Variants in SMG5 observed in about 807,000 individuals in gnomAD.
SMG5 encodes nonsense-mediated mRNA decay factor SMG5.
In SMG5, 53 loss-of-function variants were observed where a neutral mutation model predicts 122.9. The observed-to-expected ratio is 0.43, with a 90% confidence interval of 0.35 to 0.54. The LOEUF is 0.54. SMG5 is among the 20% of genes least tolerant of loss of function. The pLI, the probability that SMG5 is intolerant of heterozygous loss-of-function variation, is 0.01. For synonymous variants in SMG5, 477 were observed against 490.2 expected (o/e 0.97, Z 0.35); for missense variants, 1,153 against 1,285.6 (o/e 0.90, Z 1.58).
chr1:156,264,822 T>C (rs1012894913), intron 12 of SMG5, among the ~76,000 whole-genome samples: 2 of 151,954 alleles, frequency 1.3e-5, no homozygotes, highest in African/African-American at 4.8e-5. Flanking sequence ...GGTCAGGAGT[T>C]TGAGACCAGC....
At chr1:156,268,498 T>A in intron 7 of SMG5, 83 bp from the exon 8 acceptor site, 2 of 1,547,262 alleles carry the variant, frequency 1.3e-6, no homozygotes, top group Non-Finnish European at 1.8e-6. Context: ...ACAATGTTAC[T>A]AGTAAATACA....
At chr1:156,281,425 C>CGTG (rs1662933573) in intron 1 of SMG5, among the ~76,000 whole-genome samples, 2 of 152,346 alleles carry the variant, frequency 1.3e-5, no homozygotes, top group South Asian at 2.1e-4. Flanking sequence ...CACGTGCCAC[C>CGTG]CCCAGCCAAC....
intron 1 of SMG5, 111 bp downstream of exon 1, chr1:156,282,496 C>T (rs1015966499): frequency 1.7e-6 from 2 of 1,207,782 alleles, no homozygotes; most frequent in Non-Finnish European, 2.3e-6. Flanking sequence ...CACCCTCCTT[C>T]CTCACCCGCA....
chr1:156,271,704 T>C (rs925295468), intron 7 of SMG5, among the ~76,000 whole-genome samples: 2 of 150,156 alleles, frequency 1.3e-5, no homozygotes, highest in African/African-American at 4.9e-5. Context: ...GTGATTCTCC[T>C]GCCTAAGCCT....
At chr1:156,281,444 C>A (rs1372008385) in intron 1 of SMG5, among the ~76,000 whole-genome samples, 1 of 152,216 alleles carries the variant, frequency 6.6e-6, no homozygotes, top group Non-Finnish European at 1.5e-5. Flanking sequence ...ACTCCTCACC[C>A]GCCTGGGGAC....
intron 16 of SMG5, among the ~76,000 whole-genome samples, chr1:156,258,085 G>C (rs910056709): frequency 6.6e-6 from 1 of 152,180 alleles, no homozygotes; most frequent in Admixed American, 6.5e-5. Flanking sequence ...ATAAATATTC[G>C]TGGAATGAAT....
At chr1:156,288,071 C>T in the SMG5 span, among the ~76,000 whole-genome samples, 3 of 151,386 alleles carry the variant, frequency 2.0e-5, no homozygotes, top group Admixed American at 1.3e-4. Flanking sequence ...AAAAATTAGC[C>T]GGGTGCGGTG....
chr1:156,273,090 TA>T (rs1226550620), intron 6 of SMG5, among the ~76,000 whole-genome samples: 1 of 152,216 alleles, frequency 6.6e-6, no homozygotes, highest in East Asian at 1.9e-4. Context: ...CTTCTCTTTC[TA>T]CAAGAGACCT....
At chr1:156,285,074 G>C, upstream of SMG5, 1 of 871,142 alleles carries the variant, frequency 1.1e-6, no homozygotes, top group Non-Finnish European at 1.6e-6. Flanking sequence ...GGCTCCAGAA[G>C]GGGCCAAAAC....
At chr1:156,261,311 G>A (rs375131581) in intron 14 of SMG5, 22 bp downstream of exon 14, 1 of 1,609,680 alleles carries the variant, frequency 6.2e-7, no homozygotes, top group African/African-American at 1.3e-5. Flanking sequence ...AGAAAGGAGG[G>A]TAGTGCCAGG....
At chr1:156,274,477 A>C in intron 5 of SMG5, 120 bp downstream of exon 5, 1 of 861,888 alleles carries the variant, frequency 1.2e-6, no homozygotes, top group Non-Finnish European at 1.9e-6. Context: ...GGAAAAAGTT[A>C]TCAGAAGCCA....
intron 10 of SMG5, 74 bp from the exon 11 acceptor site, chr1:156,266,752 T>C: frequency 6.7e-7 from 1 of 1,501,588 alleles, no homozygotes; most frequent in East Asian, 2.3e-5. Flanking sequence ...TCCAACCACA[T>C]CTCATCTGTT....
chr1:156,270,289 T>A (rs901298009), intron 7 of SMG5, among the ~76,000 whole-genome samples: 3 of 152,166 alleles, frequency 2.0e-5, no homozygotes, highest in Non-Finnish European at 4.4e-5. Flanking sequence ...ATTATAGAAG[T>A]AACAGCTTCC....
chr1:156,267,380 A>G, intron 10 of SMG5, 90 bp downstream of exon 10: 1 of 1,336,086 alleles, frequency 7.5e-7, no homozygotes, highest in Non-Finnish European at 1.1e-6. Flanking sequence ...CTGCTTGTGG[A>G]AGGAAGTTTA....
intron 16 of SMG5, chr1:156,253,904 A>C (rs967266114): frequency 7.1e-6 from 2 of 283,368 alleles, no homozygotes; most frequent in Non-Finnish European, 1.4e-5. Context: ...AAATCTTCCA[A>C]ATCTGCAGAT....
In SMG5 at chr1:156,266,544, T is replaced by A; in HGVS notation, c.1252A>T (p.Thr418Ser). 1 of 1,614,106 alleles carries A rather than the reference T, an allele frequency of 6.2e-7. No homozygotes were observed. The highest frequency in any genetic ancestry group is 1.3e-5 in the African/African-American group (1 of 74,994). Reference sequence around the variant, plus strand: ...ATGACCTCCCCGATTCTCCCACCTGTGCCATCACTCTGGAATGCCGGGACG... The same window carrying A: ...ATGACCTCCCCGATTCTCCCACCTGAGCCATCACTCTGGAATGCCGGGACG... ...NPVPAFQSDG[T>S]DEPESKEPVE... is the part of the protein sequence containing the mutation. The change falls in exon 11 of 22, where the codon ACA becomes TCA. Residue 418 changes from threonine to serine, a missense_variant. Coordinates refer to ENST00000361813, the MANE Select transcript of SMG5 (RefSeq NM_015327.3).
chr1:156,265,033 A>AT (rs1326886549), intron 12 of SMG5, among the ~76,000 whole-genome samples: 6 of 128,430 alleles, frequency 4.7e-5, no homozygotes, highest in South Asian at 5.5e-4. Context: ...CTCAAAAAAA[A>AT]AATACACACA....
Position 156,253,494 on chromosome 1 carries a change from A to T in SMG5, c.2457T>A (p.Ala819=), listed in dbSNP as rs201894592. The change falls in exon 17 of 22, where the codon GCT becomes GCA. Residue 819 remains alanine (A), a synonymous_variant. Coordinates refer to ENST00000361813, the MANE Select transcript of SMG5 (RefSeq NM_015327.3). ...QAQFRMAQEE[A]RRNRLMRDMA... is the part of the protein sequence containing the mutation. ...TGTCTCTCATGAGCCTGTTCCGACG[A>T]GCTTCCTCCTGTGCCTATGAGGGAA... The T allele has an allele frequency of 3.1e-6, 5 of 1,614,016 alleles. No individual in the cohort carries two copies. The highest frequency in any genetic ancestry group is 4.2e-6 in the Non-Finnish European group (5 of 1,179,984).
chr1:156,277,846 C>T (rs372969052), intron 3 of SMG5, 79 bp downstream of exon 3: 9 of 1,582,426 alleles, frequency 5.7e-6, no homozygotes, highest in South Asian at 1.1e-5. Context: ...CCCCTACCTC[C>T]AACCATGTTC....
Sources: gnomAD v4.1 joint callset for allele counts (sites outside exome capture counted in the v4.1 genomes callset) on GRCh38, gnomAD v4.1.1 for gene constraint, MANE v1.5 for transcripts, NCBI Gene and HGNC (gene_info 2026-07-23, HGNC 2026-07-21) for gene names.